CEP128: variants seen among roughly 807,000 people sequenced by gnomAD.
The protein encoded by CEP128 is centrosomal protein 128kDa.
CEP128 carries 132 observed loss-of-function variants against 156.7 expected under a neutral mutation model. The observed-to-expected ratio is 0.84, with a 90% CI of 0.73 to 0.97. The LOEUF is 0.97. Among genes scored for constraint, CEP128 ranks in the 50% least tolerant of loss-of-function variants. The pLI is 0.00. For synonymous variants in CEP128, 469 were observed against 448.9 expected, an observed-to-expected ratio of 1.04 and a Z score of -0.57; for missense variants, 1,252 against 1,281.9, an observed-to-expected ratio of 0.98 and a Z score of 0.36.
chr14:80,678,203 T>C (rs1896169059), intron 19 of CEP128, among the ~76,000 whole-genome samples: 1 of 151,862 alleles, frequency 6.6e-6, no homozygotes, highest in African/African-American at 2.4e-5. Context: ...ATGTATACAG[T>C]AGATCCAAAC....
chr14:80,657,549 G>A (rs1895228790), intron 19 of CEP128, among the ~76,000 whole-genome samples: 2 of 151,916 alleles, frequency 1.3e-5, no homozygotes, highest in Admixed American at 1.3e-4. Context: ...TACTCGGGAG[G>A]ATGAGTCAGG....
At chr14:80,530,057 G>A (rs1394727844) in intron 22 of CEP128, among the ~76,000 whole-genome samples, 2 of 152,038 alleles carry the variant, frequency 1.3e-5, no homozygotes, top group African/African-American at 4.8e-5. Context: ...ATATTTTAAG[G>A]CCAATGTGAA....
At chr14:80,754,893 C>A (rs1229088851) in intron 18 of CEP128, among the ~76,000 whole-genome samples, 1 of 152,112 alleles carries the variant, frequency 6.6e-6, no homozygotes, top group Non-Finnish European at 1.5e-5. Context: ...AAAACATACC[C>A]CTCATCTACG....
At chr14:80,955,749 G>A (rs1322028071) in intron 2 of CEP128, 2 of 1,614,200 alleles carry the variant, frequency 1.2e-6, no homozygotes, top group African/African-American at 1.3e-5. Flanking sequence ...GCGGAATGGG[G>A]TGTTCGTCTC....
chr14:80,514,171 T>A (rs909918665), intron 23 of CEP128, among the ~76,000 whole-genome samples: 1 of 152,200 alleles, frequency 6.6e-6, no homozygotes, highest in African/African-American at 2.4e-5. Flanking sequence ...CTTTGAGTTG[T>A]CCCACCTTTC....
At chr14:80,737,221 T>A (rs917388327) in intron 19 of CEP128, among the ~76,000 whole-genome samples, 3 of 151,948 alleles carry the variant, frequency 2.0e-5, no homozygotes, top group African/African-American at 7.2e-5. Flanking sequence ...CCGGCCAGTA[T>A]GGTGAAACTC....
chr14:80,841,540 A>G (rs994258533), intron 9 of CEP128, among the ~76,000 whole-genome samples: 5 of 152,074 alleles, frequency 3.3e-5, no homozygotes, highest in African/African-American at 7.2e-5. Flanking sequence ...ATGCTTTTAT[A>G]GTGTTTAGTA....
chr14:80,679,633 T>C (rs1307966055), intron 19 of CEP128, among the ~76,000 whole-genome samples: 2 of 152,198 alleles, frequency 1.3e-5, no homozygotes, highest in Non-Finnish European at 2.9e-5. Flanking sequence ...ACATAGACCC[T>C]TATCAGGAGT....
chr14:80,521,078 T>C (rs989901858), intron 23 of CEP128, among the ~76,000 whole-genome samples: 3 of 149,500 alleles, frequency 2.0e-5, no homozygotes, highest in Admixed American at 6.7e-5. Flanking sequence ...CCTGACCTCA[T>C]GATCCACCCA....
intron 2 of CEP128, among the ~76,000 whole-genome samples, chr14:80,951,409 T>C (rs1886461684): frequency 6.6e-6 from 1 of 152,278 alleles, no homozygotes; most frequent in African/African-American, 2.4e-5. Flanking sequence ...TGAAGGGTTC[T>C]TTTAAACCAA....
At chr14:80,749,984 A>G (rs544056779) in intron 18 of CEP128, among the ~76,000 whole-genome samples, 1 of 152,338 alleles carries the variant, frequency 6.6e-6, no homozygotes, top group South Asian at 2.1e-4. Flanking sequence ...AAATAGTAAA[A>G]TGAACATGGA....
At chr14:80,828,635 AC>A (rs1885617284) in intron 13 of CEP128, among the ~76,000 whole-genome samples, 1 of 152,204 alleles carries the variant, frequency 6.6e-6, no homozygotes, top group Non-Finnish European at 1.5e-5. Context: ...GTTCACAGAA[AC>A]AGTGAACAAC....
intron 8 of CEP128, among the ~76,000 whole-genome samples, chr14:80,890,109 T>C (rs759954471): frequency 1.3e-5 from 2 of 152,058 alleles, no homozygotes; most frequent in Non-Finnish European, 2.9e-5. Context: ...ATGGTGATCA[T>C]TAAAAGGTCA....
chr14:80,869,968 C>T (rs1280393046), intron 8 of CEP128, among the ~76,000 whole-genome samples: 5 of 151,940 alleles, frequency 3.3e-5, no homozygotes, highest in Admixed American at 3.3e-4. Flanking sequence ...ATACTATGAA[C>T]AATTTTATGC....
chr14:80,530,707 TG>T lies in CEP128; in HGVS notation c.2958+101del, dbSNP rs561460412. 277 of 671,616 alleles carry T rather than the reference TG, an allele frequency of 4.1e-4. 1 individual carries two copies. Among genetic ancestry groups the T allele is most frequent in the Middle Eastern group, 3.1e-3 (12 of 3,872 alleles). 41.6% of individuals were successfully genotyped at this position (671,616 alleles called of 1,614,324 possible). The stretch of plus-strand genomic sequence containing the variant: ...TATGTTAAAAGTTCCCAATGTTTTT[TG>T]GTCCTTCTTCCTTTTCTATACTTTT... On this transcript the variant is annotated intron_variant, in intron 22 of 24. Transcript: ENST00000555265.
intron 17 of CEP128, among the ~76,000 whole-genome samples, chr14:80,760,026 T>C (rs1410293814): frequency 6.6e-6 from 1 of 151,954 alleles, no homozygotes; most frequent in East Asian, 1.9e-4. Context: ...AATATTTAAA[T>C]ATAGAATAAA....
intron 14 of CEP128, among the ~76,000 whole-genome samples, chr14:80,792,402 C>T (rs1018379387): frequency 6.6e-6 from 1 of 152,084 alleles, no homozygotes; most frequent in African/African-American, 2.4e-5. Context: ...AAAATAAATG[C>T]ATTGGGAGGA....
intron 19 of CEP128, among the ~76,000 whole-genome samples, chr14:80,656,668 T>C (rs1459211172): frequency 1.3e-5 from 2 of 152,018 alleles, no homozygotes; most frequent in African/African-American, 4.8e-5. Flanking sequence ...GAATAAGCAT[T>C]CTTAAAACAA....
chr14:80,787,113 A>AT (rs1297779752), intron 14 of CEP128, among the ~76,000 whole-genome samples: 1 of 152,124 alleles, frequency 6.6e-6, no homozygotes, highest in African/African-American at 2.4e-5. Flanking sequence ...TAAAATACAC[A>AT]TTTTTTATCT....
Sources: gnomAD v4.1 joint callset for allele counts (sites outside exome capture counted in the v4.1 genomes callset) on GRCh38, gnomAD v4.1.1 for gene constraint, MANE v1.5 for transcripts, NCBI Gene and HGNC (gene_info 2026-07-23, HGNC 2026-07-21) for gene names.